SRGAP2: variants seen among roughly 807,000 people sequenced by gnomAD.
SRGAP2 encodes the protein SLIT-ROBO Rho GTPase activating protein 2.
SRGAP2 carries 15 observed loss-of-function variants against 57.2 expected under a neutral mutation model. That is an observed-to-expected ratio of 0.26 (90% CI 0.18 to 0.40). SRGAP2 has a LOEUF of 0.40. Among genes scored for constraint, SRGAP2 ranks in the 10% least tolerant of loss-of-function variants. The probability of loss-of-function intolerance (pLI) is 1.00; values close to 1 mark genes in which losing one functional copy is unlikely to be tolerated. For synonymous variants in SRGAP2, 249 were observed against 248.0 expected, an observed-to-expected ratio of 1.00 and a Z score of -0.04; for missense variants, 520 against 669.6, an observed-to-expected ratio of 0.78 and a Z score of 2.47.
chr1:206,299,665 TC>T (rs1301230335), intron 2 of SRGAP2, among the ~76,000 whole-genome samples: 1 of 151,964 alleles, frequency 6.6e-6, no homozygotes, highest in African/African-American at 2.4e-5. Flanking sequence ...AGCACATTTT[TC>T]CCTGGATAGA....
intron 15 of SRGAP2, 176 bp from the exon 16 acceptor site, chr1:206,437,788 G>A: frequency 1.7e-6 from 1 of 601,490 alleles, no homozygotes; most frequent in South Asian, 2.0e-5. Context: ...CCCCTGAAAT[G>A]GAGCAGTCTT....
intron 18 of SRGAP2, among the ~76,000 whole-genome samples, chr1:206,447,883 C>T (rs1421419312): frequency 6.6e-6 from 1 of 150,876 alleles, no homozygotes; most frequent in Non-Finnish European, 1.5e-5. Context: ...GTGCCTTCCT[C>T]CAGTTTCCTC....
intron 5 of SRGAP2, among the ~76,000 whole-genome samples, chr1:206,390,026 G>C (rs1656776826): frequency 6.8e-6 from 1 of 146,360 alleles, no homozygotes; most frequent in Admixed American, 6.9e-5. Flanking sequence ...CTTTCTCTAA[G>C]TCCTATCTTG....
At chr1:206,397,509 G>A (rs1355418141) in intron 7 of SRGAP2, among the ~76,000 whole-genome samples, 2 of 151,474 alleles carry the variant, frequency 1.3e-5, no homozygotes, top group Non-Finnish European at 2.9e-5. Flanking sequence ...GTGAAAAGAA[G>A]TTATTTTTGT....
chr1:206,429,826 T>G (rs1383355602), intron 13 of SRGAP2, among the ~76,000 whole-genome samples: 1 of 151,986 alleles, frequency 6.6e-6, no homozygotes, highest in Non-Finnish European at 1.5e-5. Flanking sequence ...TGGGGGCAGT[T>G]GAGATAGAGA....
chr1:206,444,326 T>C lies in SRGAP2; in HGVS notation c.1875-1749T>C, dbSNP rs1283171007. On this transcript the variant is annotated intron_variant, in intron 17 of 22. Coordinates refer to ENST00000573034, the MANE Select transcript of SRGAP2 (RefSeq NM_015326.5). ...TGAGACCACAGTCCACAAAGATGTGTCCTCTTCAAGCTCCTGGTCATTGTA... is the reference window on the plus strand; with the variant it reads ...TGAGACCACAGTCCACAAAGATGTGCCCTCTTCAAGCTCCTGGTCATTGTA... 3.3e-5 allele frequency among the ~76,000 whole-genome samples: 5 copies of C among 152,198 alleles called. No homozygotes were observed. In the South Asian group the frequency reaches 1.0e-3, roughly 31 times the overall value.
intron 3 of SRGAP2, among the ~76,000 whole-genome samples, chr1:206,306,214 T>C (rs1165252310): frequency 1.3e-5 from 2 of 152,172 alleles, no homozygotes; most frequent in Non-Finnish European, 2.9e-5. Context: ...ACCCTTGCGG[T>C]GAGTGTTACA....
intron 3 of SRGAP2, among the ~76,000 whole-genome samples, chr1:206,328,109 C>T (rs1296221703): frequency 8.0e-6 from 1 of 124,494 alleles, no homozygotes; most frequent in African/African-American, 4.2e-5. Flanking sequence ...TTTCCAATTT[C>T]ATCCATGTCC....
chr1:206,442,799 C>T (rs1028738987), intron 17 of SRGAP2, among the ~76,000 whole-genome samples: 14 of 152,194 alleles, frequency 9.2e-5, no homozygotes, highest in Admixed American at 6.5e-5. Flanking sequence ...CAGCAGCTGA[C>T]AGGTGTGCAC....
chr1:206,464,149 G>A lies in SRGAP2; in HGVS notation c.*2729G>A, dbSNP rs1001109613. 2.0e-5 allele frequency: 3 copies of A among 152,788 alleles called. No homozygotes were observed. Among genetic ancestry groups the A allele is most frequent in the Admixed American group, 2.0e-4 (3 of 15,304 alleles). 9.5% of individuals were successfully genotyped at this position (152,788 alleles called of 1,614,324 possible). ...TGGCTTCTCCCCAAGGAGATGAGGAGCGGTGATGCCAGCACCGGGATGCGC... is the reference window on the plus strand; with the variant it reads ...TGGCTTCTCCCCAAGGAGATGAGGAACGGTGATGCCAGCACCGGGATGCGC... On this transcript the variant is annotated 3_prime_UTR_variant, in exon 23 of 23. Coordinates refer to ENST00000573034, the MANE Select transcript of SRGAP2 (RefSeq NM_015326.5).
Position 206,342,407 on chromosome 1 carries a change from C to A in SRGAP2, c.261-439C>A, listed in dbSNP as rs552109962. ...ACAATGCAGAACTGTTGTTCTAGTCCCTGGCGCCCTCTTACTTGTTGTGTT... is the reference window on the plus strand; with the variant it reads ...ACAATGCAGAACTGTTGTTCTAGTCACTGGCGCCCTCTTACTTGTTGTGTT... On this transcript the variant is annotated intron_variant, in intron 3 of 22. Transcript: ENST00000573034. 1.6e-3 allele frequency among the ~76,000 whole-genome samples: 245 copies of A among 151,278 alleles called. 1 individual carries two copies. The highest frequency in any genetic ancestry group is 5.4e-3 in the African/African-American group (224 of 41,278).
chr1:206,433,635 C>CAA (rs71568100), intron 14 of SRGAP2, among the ~76,000 whole-genome samples: 1,688 of 113,910 alleles, frequency 0.015, 18 homozygotes, highest in Middle Eastern at 0.03. Flanking sequence ...GACCCTGTCT[C>CAA]AAAAAAAAAA....
intron 4 of SRGAP2, among the ~76,000 whole-genome samples, chr1:206,367,294 A>G (rs1434938663): frequency 1.2e-4 from 19 of 152,142 alleles, no homozygotes; most frequent in African/African-American, 4.6e-4. Context: ...TCTTCCCCCT[A>G]TCTTCGCTCT....
intron 4 of SRGAP2, among the ~76,000 whole-genome samples, chr1:206,353,612 T>C (rs1242840341): frequency 1.3e-5 from 2 of 151,890 alleles, no homozygotes; most frequent in African/African-American, 4.8e-5. Flanking sequence ...GGAGAATCAC[T>C]TGAACCCGGA....
intron 14 of SRGAP2, among the ~76,000 whole-genome samples, chr1:206,434,802 G>A (rs1553369428): frequency 6.6e-6 from 1 of 152,134 alleles, no homozygotes; most frequent in Non-Finnish European, 1.5e-5. Flanking sequence ...GGACCCCCAG[G>A]CCAAGGCTGC....
intron 10 of SRGAP2, among the ~76,000 whole-genome samples, chr1:206,411,932 GCC>G (rs1405909394): frequency 1.3e-5 from 2 of 152,132 alleles, no homozygotes; most frequent in Non-Finnish European, 2.9e-5. Context: ...CTTTCTGAGT[GCC>G]TGCTCTATGC....
chr1:206,273,248 A>G (rs1430005623), intron 2 of SRGAP2, among the ~76,000 whole-genome samples: 1 of 151,304 alleles, frequency 6.6e-6, no homozygotes, highest in Non-Finnish European at 1.5e-5. Flanking sequence ...AATGCTCTGC[A>G]TCACTGGAGA....
intron 18 of SRGAP2, among the ~76,000 whole-genome samples, chr1:206,450,086 G>T (rs1553375292): frequency 6.6e-6 from 1 of 152,204 alleles, no homozygotes; most frequent in East Asian, 1.9e-4. Context: ...ATCAGACCTT[G>T]AGGAGTTGAG....
Position 206,446,150 on chromosome 1 carries a change from A to G in SRGAP2, c.1950A>G (p.Ser650=). The G allele has an allele frequency of 1.3e-6, 1 of 780,754 alleles. No individual in the cohort carries two copies. The highest frequency in any genetic ancestry group is 1.3e-5 in the South Asian group (1 of 74,612). 48.4% of individuals were successfully genotyped at this position (780,754 alleles called of 1,614,324 possible). A position where few individuals can be genotyped will look rare whatever the true frequency, so the allele number is the denominator to read the frequency against. ...TCTGCTTCGGGCCCTCGCTAATGTC[A>G]GTGCCAGAGGGCCACGACCAGGTGT... The part of the protein sequence containing the change: ...LAICFGPSLM[S]VPEGHDQVSC... The change falls in exon 18 of 23, where the codon TCA becomes TCG. Residue 650 remains serine (S), a synonymous_variant. Transcript: ENST00000573034.
Sources: gnomAD v4.1 joint callset for allele counts (sites outside exome capture counted in the v4.1 genomes callset) on GRCh38, gnomAD v4.1.1 for gene constraint, MANE v1.5 for transcripts, NCBI Gene and HGNC (gene_info 2026-07-23, HGNC 2026-07-21) for gene names.